B3GALT1: variants seen among roughly 807,000 people sequenced by gnomAD.
B3GALT1 encodes the protein beta-1,3-galactosyltransferase 1.
In B3GALT1, 10 loss-of-function variants were observed where a neutral mutation model predicts 23.2. That is an observed-to-expected ratio of 0.43 (90% CI 0.27 to 0.73). B3GALT1 has a LOEUF of 0.73. B3GALT1 is among the 30% of genes least tolerant of loss of function. B3GALT1 has a pLI of 0.21. For missense variants in B3GALT1, 299 were observed against 405.4 expected, an observed-to-expected ratio of 0.74 and a Z score of 2.25; for synonymous variants, 156 against 141.5, an observed-to-expected ratio of 1.10 and a Z score of -0.73.
intron 3 of B3GALT1, among the ~76,000 whole-genome samples, chr2:167,703,727 G>A (rs911334914): frequency 1.3e-5 from 2 of 152,146 alleles, no homozygotes; most frequent in African/African-American, 2.4e-5. Context: ...GGTTGCAAGG[G>A]CAGATCATTT....
At chr2:167,473,363 G>C (rs1447016821) in intron 1 of B3GALT1, among the ~76,000 whole-genome samples, 1 of 152,092 alleles carries the variant, frequency 6.6e-6, no homozygotes, top group Non-Finnish European at 1.5e-5. Context: ...AGAATTAAGA[G>C]TTCCTGATCT....
intron 2 of B3GALT1, among the ~76,000 whole-genome samples, chr2:167,517,364 A>G (rs1414489539): frequency 6.6e-6 from 1 of 152,046 alleles, no homozygotes; most frequent in Non-Finnish European, 1.5e-5. Context: ...ATTTGTTGAG[A>G]GGAGTTACAA....
chr2:167,439,358 C>T (rs1027615347), intron 1 of B3GALT1, among the ~76,000 whole-genome samples: 2 of 151,994 alleles, frequency 1.3e-5, no homozygotes, highest in African/African-American at 2.4e-5. Flanking sequence ...GTCAACTGTT[C>T]TTTTTTCTAT....
intron 1 of B3GALT1, among the ~76,000 whole-genome samples, chr2:167,379,642 G>A (rs1697816513): frequency 6.6e-6 from 1 of 152,148 alleles, no homozygotes; most frequent in African/African-American, 2.4e-5. Context: ...TTGTTTACTG[G>A]AAGAAGCTGA....
intron 2 of B3GALT1, among the ~76,000 whole-genome samples, chr2:167,493,990 A>C (rs910066511): frequency 6.6e-6 from 1 of 152,148 alleles, no homozygotes; most frequent in Non-Finnish European, 1.5e-5. Context: ...AGTGTGGTTT[A>C]TGTTAGAAGT....
At chr2:167,521,648 A>C (rs1700189843) in intron 2 of B3GALT1, among the ~76,000 whole-genome samples, 1 of 152,044 alleles carries the variant, frequency 6.6e-6, no homozygotes. Flanking sequence ...TAAATTGCCA[A>C]ATTTCTTACA....
chr2:167,507,034 T>G (rs1699929691), intron 2 of B3GALT1, among the ~76,000 whole-genome samples: 1 of 152,188 alleles, frequency 6.6e-6, no homozygotes, highest in Non-Finnish European at 1.5e-5. Context: ...AAGGGCATGA[T>G]TATAGTGTGT....
chr2:167,795,788 G>A (rs531300112), intron 3 of B3GALT1, among the ~76,000 whole-genome samples: 3 of 152,282 alleles, frequency 2.0e-5, no homozygotes, highest in African/African-American at 7.2e-5. Context: ...TAGAAAACTA[G>A]CTCTCCAAGG....
intron 1 of B3GALT1, among the ~76,000 whole-genome samples, chr2:167,380,318 C>G (rs1697829955): frequency 6.6e-6 from 1 of 152,144 alleles, no homozygotes; most frequent in South Asian, 2.1e-4. Context: ...GGTGGGTCAC[C>G]CAGCGATGGC....
At chr2:167,494,145 ACAAAC>A (rs1361803442) in intron 2 of B3GALT1, among the ~76,000 whole-genome samples, 2 of 152,152 alleles carry the variant, frequency 1.3e-5, no homozygotes, top group Non-Finnish European at 2.9e-5. Context: ...AAATTAGAAA[ACAAAC>A]TCATTGGAGA....
At chr2:167,769,904 T>C (rs556731323) in intron 3 of B3GALT1, among the ~76,000 whole-genome samples, 23 of 152,334 alleles carry the variant, frequency 1.5e-4, no homozygotes, top group Admixed American at 7.8e-4. Context: ...TCATTTGAAA[T>C]ATGTAGGAGT....
intron 1 of B3GALT1, among the ~76,000 whole-genome samples, chr2:167,478,595 C>T (rs981300153): frequency 1.3e-5 from 2 of 149,184 alleles, no homozygotes; most frequent in South Asian, 2.1e-4. Flanking sequence ...ACTTTAAGTT[C>T]TAGGGTACAT....
At chr2:167,318,037 A>G (rs1696745696) in intron 1 of B3GALT1, among the ~76,000 whole-genome samples, 1 of 152,040 alleles carries the variant, frequency 6.6e-6, no homozygotes, top group African/African-American at 2.4e-5. Flanking sequence ...TTACATTAAC[A>G]AAATAAAGGG....
chr2:167,663,845 T>C (rs542125729), intron 3 of B3GALT1, among the ~76,000 whole-genome samples: 2 of 152,302 alleles, frequency 1.3e-5, no homozygotes, highest in Non-Finnish European at 2.9e-5. Context: ...GAGTTCATTG[T>C]AGATTCTGGA....
Position 167,608,655 on chromosome 2 carries a change from T to G in B3GALT1, c.-409-38254T>G, listed in dbSNP as rs144730993. On this transcript the variant is annotated intron_variant, in intron 2 of 4. Transcript: ENST00000392690. Reference sequence around the variant, plus strand: ...TAGGAAGTTCTGATCCAATATTTGTTAAGGTACATATGGACTTTTGTTTCT... The same window carrying G: ...TAGGAAGTTCTGATCCAATATTTGTGAAGGTACATATGGACTTTTGTTTCT... Among the ~76,000 whole-genome samples the G allele has an allele frequency of 3.6e-3, 550 of 152,288 alleles. 1 individual carries two copies. Among genetic ancestry groups the G allele is most frequent in the African/African-American group, 0.013 (521 of 41,560 alleles).
intron 1 of B3GALT1, among the ~76,000 whole-genome samples, chr2:167,443,371 T>G (rs1467552773): frequency 6.6e-6 from 1 of 152,212 alleles, no homozygotes; most frequent in African/African-American, 2.4e-5. Flanking sequence ...CTTTTTTGGT[T>G]CCATATGAAC....
At chr2:167,335,685 T>C (rs1697048748) in intron 1 of B3GALT1, among the ~76,000 whole-genome samples, 1 of 152,204 alleles carries the variant, frequency 6.6e-6, no homozygotes, top group Admixed American at 6.5e-5. Flanking sequence ...AGCATGCTAA[T>C]GCATTATAAT....
At chr2:167,400,373 C>T (rs764044388) in intron 1 of B3GALT1, among the ~76,000 whole-genome samples, 2 of 152,004 alleles carry the variant, frequency 1.3e-5, no homozygotes, top group Non-Finnish European at 1.5e-5. Flanking sequence ...TCTTTTTAGT[C>T]AGATCTCAGA....
chr2:167,587,770 G>A (rs920138371), intron 2 of B3GALT1, among the ~76,000 whole-genome samples: 3 of 152,120 alleles, frequency 2.0e-5, no homozygotes, highest in Non-Finnish European at 4.4e-5. Flanking sequence ...AACTGGTGTT[G>A]AACTGCTTAC....
Sources: gnomAD v4.1 joint callset for allele counts (sites outside exome capture counted in the v4.1 genomes callset) on GRCh38, gnomAD v4.1.1 for gene constraint, MANE v1.5 for transcripts, NCBI Gene and HGNC (gene_info 2026-07-23, HGNC 2026-07-21) for gene names.